TCF12: variants seen among roughly 807,000 people sequenced by gnomAD.
TCF12 encodes transcription factor 12.
A neutral mutation model predicts 86.0 loss-of-function variants in TCF12; 45 were observed. That is an observed-to-expected ratio of 0.52 (90% CI 0.41 to 0.67). The LOEUF is 0.67. TCF12 is among the 30% of genes least tolerant of loss of function. The pLI is 0.00. For synonymous variants in TCF12, 330 were observed against 299.6 expected (o/e 1.10, Z -1.05); for missense variants, 881 against 859.9 (o/e 1.02, Z -0.31).
At chr15:57,124,046 C>T (rs1274119900) in intron 5 of TCF12, among the ~76,000 whole-genome samples, 1 of 150,668 alleles carries the variant, frequency 6.6e-6, no homozygotes, top group Non-Finnish European at 1.5e-5. Context: ...AATTCCTGAG[C>T]TCAAGTGATC....
chr15:57,252,523 G>A (rs777935227), intron 15 of TCF12, 31 bp downstream of exon 15: 2 of 1,569,682 alleles, frequency 1.3e-6, no homozygotes, highest in African/African-American at 1.4e-5. Flanking sequence ...TGCCTTTTTT[G>A]TGTTTCAATT....
At chr15:57,085,918 G>A (rs925200677) in intron 4 of TCF12, among the ~76,000 whole-genome samples, 1 of 152,052 alleles carries the variant, frequency 6.6e-6, no homozygotes, top group African/African-American at 2.4e-5. Context: ...CCAGAAACCC[G>A]TGGATACTTG....
At chr15:57,185,015 C>G (rs1473734049) in intron 6 of TCF12, among the ~76,000 whole-genome samples, 4 of 152,076 alleles carry the variant, frequency 2.6e-5, no homozygotes, top group Non-Finnish European at 5.9e-5. Context: ...ATCTTTCTCT[C>G]CCAATGTACC....
intron 12 of TCF12, among the ~76,000 whole-genome samples, chr15:57,240,511 G>T (rs2059568858): frequency 6.6e-6 from 1 of 152,156 alleles, no homozygotes; most frequent in South Asian, 2.1e-4. Flanking sequence ...ATTTCATAAA[G>T]ATGAGCATCA....
chr15:57,068,510 T>C (rs998898167), intron 4 of TCF12, among the ~76,000 whole-genome samples: 1 of 152,246 alleles, frequency 6.6e-6, no homozygotes, highest in East Asian at 1.9e-4. Context: ...CCTCTTCAAC[T>C]GTTTATTTCT....
intron 3 of TCF12, among the ~76,000 whole-genome samples, chr15:56,997,469 G>A (rs989491433): frequency 6.6e-6 from 1 of 152,130 alleles, no homozygotes; most frequent in African/African-American, 2.4e-5. Flanking sequence ...GAATACAAGA[G>A]GGGGAGGAAG....
intron 3 of TCF12, among the ~76,000 whole-genome samples, chr15:56,962,132 CAAAAAAAAAAA>C (rs397853683): frequency 4.8e-5 from 3 of 63,026 alleles, no homozygotes; most frequent in Non-Finnish European, 7.1e-5. Flanking sequence ...GACTCCGTCT[CAAAAAAAAAAA>C]AAAAAAAAAA....
Position 57,209,874 on chromosome 15 carries a change from A to C in TCF12, c.579+12049A>C, listed in dbSNP as rs116123870. ...CATACTCTCCTTTTTACTGCTTCTT[A>C]AAGATGTCAAGCACACTCCTACCTC... On this transcript the variant is annotated intron_variant, in intron 8 of 20. Coordinates refer to ENST00000333725, the MANE Select transcript of TCF12 (RefSeq NM_207037.2). Among the ~76,000 whole-genome samples the C allele has an allele frequency of 4.7e-3, 721 of 152,260 alleles. 6 individuals carry two copies. Among genetic ancestry groups the C allele is most frequent in the African/African-American group, 0.016 (665 of 41,536 alleles).
At chr15:57,030,514 G>C (rs1325690471) in intron 3 of TCF12, among the ~76,000 whole-genome samples, 1 of 152,168 alleles carries the variant, frequency 6.6e-6, no homozygotes, top group Non-Finnish European at 1.5e-5. Context: ...TTATAGGAAA[G>C]AGCCACTGTA....
At chr15:57,275,327 G>GGTGTGTGTGTGTGTGTGT (rs1171707504) in intron 19 of TCF12, among the ~76,000 whole-genome samples, 2,476 of 64,068 alleles carry the variant, frequency 0.039, 212 homozygotes, top group Admixed American at 0.049. Context: ...GTAAGGTAGG[G>GGTGTGTGTGTGTGTGTGT]GTGTGTGTGT....
chr15:57,132,538 A>G (rs1297894279), intron 5 of TCF12, among the ~76,000 whole-genome samples: 1 of 152,164 alleles, frequency 6.6e-6, no homozygotes, highest in Non-Finnish European at 1.5e-5. Flanking sequence ...GGCTCTGATG[A>G]TTGATGTTCC....
chr15:57,127,030 T>A (rs1792059418), intron 5 of TCF12, among the ~76,000 whole-genome samples: 1 of 151,114 alleles, frequency 6.6e-6, no homozygotes, highest in Admixed American at 6.6e-5. Context: ...TTGCCCAGGC[T>A]GAAGTGCAGT....
chr15:57,098,202 A>G (rs1481922104), intron 5 of TCF12, among the ~76,000 whole-genome samples: 1 of 151,898 alleles, frequency 6.6e-6, no homozygotes, highest in African/African-American at 2.4e-5. Flanking sequence ...CAAAACAAAC[A>G]AACAAAAAAA....
At chr15:57,040,428 C>A (rs1475223417) in intron 3 of TCF12, among the ~76,000 whole-genome samples, 1 of 152,280 alleles carries the variant, frequency 6.6e-6, no homozygotes, top group East Asian at 1.9e-4. Context: ...AAGTGCATAA[C>A]CTGACTGAAA....
At chr15:57,213,205 T>C (rs1166217773) in intron 8 of TCF12, among the ~76,000 whole-genome samples, 3 of 152,242 alleles carry the variant, frequency 2.0e-5, no homozygotes, top group Non-Finnish European at 2.9e-5. Context: ...ATGTCACTCT[T>C]CTTAGATGTC....
intron 5 of TCF12, among the ~76,000 whole-genome samples, chr15:57,102,919 A>T (rs889262931): frequency 6.6e-6 from 1 of 152,194 alleles, no homozygotes; most frequent in Admixed American, 6.5e-5. Flanking sequence ...TAGCAATATA[A>T]GATTGTTAGC....
chr15:57,126,080 C>A (rs1428364771), intron 5 of TCF12, among the ~76,000 whole-genome samples: 4 of 151,998 alleles, frequency 2.6e-5, no homozygotes, highest in Admixed American at 2.6e-4. Context: ...AAAATAACAA[C>A]AACAACAAAG....
intron 3 of TCF12, among the ~76,000 whole-genome samples, chr15:57,034,714 G>A (rs2066399269): frequency 6.6e-6 from 1 of 151,984 alleles, no homozygotes; most frequent in African/African-American, 2.4e-5. Context: ...ACATATGAAG[G>A]ACCAGTACCT....
intron 5 of TCF12, among the ~76,000 whole-genome samples, chr15:57,106,223 A>G (rs1460580263): frequency 6.6e-6 from 1 of 152,222 alleles, no homozygotes; most frequent in Non-Finnish European, 1.5e-5. Flanking sequence ...GAAAAATTAC[A>G]TAGGTAGAAA....
Sources: gnomAD v4.1 joint callset for allele counts (sites outside exome capture counted in the v4.1 genomes callset) on GRCh38, gnomAD v4.1.1 for gene constraint, MANE v1.5 for transcripts, NCBI Gene and HGNC (gene_info 2026-07-23, HGNC 2026-07-21) for gene names.